TET3: variants seen among roughly 807,000 people sequenced by gnomAD.
The protein encoded by TET3 is methylcytosine dioxygenase TET3.
TET3 carries 19 observed loss-of-function variants against 141.4 expected under a neutral mutation model. The ratio of observed to expected loss-of-function variants is 0.13; its 90% CI spans 0.09 to 0.20. The LOEUF is 0.20. Among genes scored for constraint, TET3 ranks in the 10% least tolerant of loss-of-function variants. The pLI is 1.00. For missense variants in TET3, 1,874 were observed against 2,356.9 expected (o/e 0.80, Z 4.24); for synonymous variants, 1,043 against 980.9 (o/e 1.06, Z -1.18).
At position 74,107,533 on chromosome 2, in the gene TET3, T is replaced by C. The variant is rs548633199; in HGVS notation, c.*5357T>C. On this transcript the variant is annotated 3_prime_UTR_variant, in exon 12 of 12. Coordinates refer to ENST00000409262, the MANE Select transcript of TET3 (RefSeq NM_001287491.2). Reference sequence around the variant, plus strand: ...TTCTTGGTTTCAATACCCTTTTTTTTCTTTTGAGGGGAAAAGAGGGGAGAA... The same window carrying C: ...TTCTTGGTTTCAATACCCTTTTTTTCCTTTTGAGGGGAAAAGAGGGGAGAA... 2 of 152,324 alleles carry C rather than the reference T, an allele frequency of 1.3e-5. No individual in the cohort carries two copies. The highest frequency in any genetic ancestry group is 3.9e-4 in the East Asian group (2 of 5,192). The allele number at this position is 152,324 out of a possible 1,614,324, so 9.4% of individuals were successfully genotyped here.
At position 74,060,537 on chromosome 2, in the gene TET3, T is replaced by A. The variant is rs181982390; in HGVS notation, c.2494+12126T>A. On this transcript the variant is annotated intron_variant, in intron 4 of 11. Transcript: ENST00000409262. ...ATTTTTTTTTAAATTTATTATTATT[T>A]TTTTTTATTGATCATTCTTGGGTGT... 8.9e-4 allele frequency among the ~76,000 whole-genome samples: 136 copies of A among 152,320 alleles called. 4 individuals carry two copies. Among genetic ancestry groups the A allele is most frequent in the Admixed American group, 8.2e-3 (126 of 15,302 alleles).
At chr2:74,038,127 T>C (rs1480336512) in intron 3 of TET3, among the ~76,000 whole-genome samples, 1 of 152,126 alleles carries the variant, frequency 6.6e-6, no homozygotes, top group African/African-American at 2.4e-5. Context: ...CAGGGGACCT[T>C]GTGAGCTAGC....
rs1010646511 is a variant in TET3, at chr2:74,047,067, C to G, written c.1150C>G (p.Leu384Val). 3 of 1,614,002 alleles carry G rather than the reference C, an allele frequency of 1.9e-6. No homozygotes were observed. The highest frequency in any genetic ancestry group is 2.5e-6 in the Non-Finnish European group (3 of 1,179,864). Residue 384 changes from leucine (L) to valine (V), a missense_variant, in exon 4 of 12, where the codon CTT (leucine) becomes GTT (valine). Physicochemically the swap from Leu to Val is conservative, Grantham distance 32 (BLOSUM62 1). Transcript: ENST00000409262. ...SHSTPQASCP[L>V]PEALSPPAPF... The stretch of plus-strand genomic sequence containing the variant: ...TTCCACCCCCCAGGCTTCTTGCCCC[C>G]TTCCTGAGGCCTTGTCACCTCCTGC...
intron 4 of TET3, among the ~76,000 whole-genome samples, chr2:74,071,555 G>A (rs995934331): frequency 2.0e-5 from 3 of 152,180 alleles, no homozygotes; most frequent in Non-Finnish European, 4.4e-5. Flanking sequence ...TCTCTTGCTT[G>A]TAAATGTCTT....
chr2:74,053,161 T>C (rs1264883543), intron 4 of TET3, among the ~76,000 whole-genome samples: 2 of 152,242 alleles, frequency 1.3e-5, no homozygotes, highest in African/African-American at 4.8e-5. Context: ...GCTTTGAGAA[T>C]ATTTATCACA....
At chr2:74,053,099 T>C (rs1398330995) in intron 4 of TET3, among the ~76,000 whole-genome samples, 2 of 152,306 alleles carry the variant, frequency 1.3e-5, no homozygotes, top group East Asian at 3.9e-4. Context: ...GAAGTAAACT[T>C]ATAAGCTATG....
intron 3 of TET3, among the ~76,000 whole-genome samples, chr2:74,036,062 A>G (rs1687040839): frequency 6.6e-6 from 1 of 152,216 alleles, no homozygotes; most frequent in Non-Finnish European, 1.5e-5. Context: ...GTATTAAACT[A>G]AAATACCCTC....
At chr2:74,011,616 C>A (rs890228363) in intron 3 of TET3, among the ~76,000 whole-genome samples, 2 of 152,248 alleles carry the variant, frequency 1.3e-5, no homozygotes, top group African/African-American at 4.8e-5. Context: ...CCTTTAGTTT[C>A]TTTTCTACCT....
intron 2 of TET3, among the ~76,000 whole-genome samples, chr2:73,988,958 G>T (rs1194262191): frequency 1.6e-5 from 2 of 124,594 alleles, no homozygotes; most frequent in African/African-American, 3.2e-5. Flanking sequence ...ATACAAAATG[G>T]TAACCAGTGC....
At chr2:74,134,329 T>G in the TET3 span, 1 of 199,392 alleles carries the variant, frequency 5.0e-6, no homozygotes, top group South Asian at 8.7e-5. Flanking sequence ...ATTCTACTGC[T>G]TGTAAGAGGC....
At chr2:74,016,985 T>G (rs540192890) in intron 3 of TET3, among the ~76,000 whole-genome samples, 1 of 152,186 alleles carries the variant, frequency 6.6e-6, no homozygotes, top group East Asian at 1.9e-4. Flanking sequence ...CTCTTCTAGC[T>G]ATTTGAAAAT....
At chr2:74,118,411 C>T in the TET3 span, among the ~76,000 whole-genome samples, 13 of 152,218 alleles carry the variant, frequency 8.5e-5, no homozygotes, top group African/African-American at 2.7e-4. Flanking sequence ...ACAATTGAAA[C>T]TTACAGTATC....
intron 6 of TET3, among the ~76,000 whole-genome samples, chr2:74,083,964 T>C (rs373206229): frequency 7.2e-5 from 11 of 152,280 alleles, no homozygotes; most frequent in African/African-American, 2.6e-4. Context: ...TCCACAGATG[T>C]GCGTCGATGC....
intron 6 of TET3, among the ~76,000 whole-genome samples, chr2:74,086,153 C>G (rs1009991783): frequency 1.3e-5 from 2 of 152,232 alleles, no homozygotes; most frequent in Non-Finnish European, 2.9e-5. Context: ...GGAGCCCTTC[C>G]CAGTCTACCC....
intron 2 of TET3, among the ~76,000 whole-genome samples, chr2:73,988,579 G>C (rs1307373992): frequency 6.6e-6 from 1 of 152,128 alleles, no homozygotes; most frequent in Non-Finnish European, 1.5e-5. Flanking sequence ...TGGATCTGGG[G>C]TGGCTGAGGC....
the TET3 span, chr2:74,123,124 T>C: frequency 1.2e-3 from 178 of 152,258 alleles, no homozygotes; most frequent in Non-Finnish European, 1.1e-3. Context: ...TAGAGGAAAA[T>C]GAAGGTGCTG....
chr2:74,116,045 G>A, the TET3 span, among the ~76,000 whole-genome samples: 108 of 150,246 alleles, frequency 7.2e-4, 1 homozygote, highest in African/African-American at 2.0e-3. Context: ...AGGGGGTGGC[G>A]GGGGAATAAT....
intron 3 of TET3, among the ~76,000 whole-genome samples, chr2:74,038,413 CA>C (rs1465934476): frequency 6.6e-6 from 1 of 152,168 alleles, no homozygotes; most frequent in East Asian, 1.9e-4. Flanking sequence ...TACCCCCTTT[CA>C]GTGATATTGT....
rs560019696 is a variant in TET3, at chr2:74,088,599, C to T, written c.2888+561C>T. The stretch of plus-strand genomic sequence containing the variant: ...GAAGTTGCAGTGAGCTGAGATTGCA[C>T]CACTGCACTCCAGCCTGGGCAACAG... On this transcript the variant is annotated intron_variant, in intron 7 of 11. Coordinates refer to ENST00000409262, the MANE Select transcript of TET3 (RefSeq NM_001287491.2). Among the ~76,000 whole-genome samples, 3 of 152,262 alleles carry T rather than the reference C, an allele frequency of 2.0e-5. No homozygotes were observed. In the South Asian group the frequency reaches 6.2e-4, roughly 32 times the overall value.
Sources: gnomAD v4.1 joint callset for allele counts (sites outside exome capture counted in the v4.1 genomes callset) on GRCh38, gnomAD v4.1.1 for gene constraint, MANE v1.5 for transcripts, NCBI Gene and HGNC (gene_info 2026-07-23, HGNC 2026-07-21) for gene names.